NLGN1: variants seen among roughly 807,000 people sequenced by gnomAD.
The protein encoded by NLGN1 is neuroligin-1.
A neutral mutation model predicts 65.5 loss-of-function variants in NLGN1; 12 were observed. The observed-to-expected ratio is 0.18, with a 90% CI of 0.12 to 0.30. NLGN1 has a LOEUF of 0.30. Ranked by LOEUF, NLGN1 falls within the 10% of genes least tolerant of loss-of-function variation. The pLI is 1.00. For synonymous variants in NLGN1, 350 were observed against 359.5 expected, an observed-to-expected ratio of 0.97 and a Z score of 0.30; for missense variants, 750 against 1,007.1, an observed-to-expected ratio of 0.74 and a Z score of 3.46.
chr3:173,626,364 C>T (rs1754824820), intron 3 of NLGN1, among the ~76,000 whole-genome samples: 2 of 151,804 alleles, frequency 1.3e-5, no homozygotes, highest in South Asian at 4.1e-4. Context: ...TTTGAATTTA[C>T]AAGATAGTGG....
chr3:174,165,422 T>C (rs1727316400), intron 4 of NLGN1, among the ~76,000 whole-genome samples: 1 of 152,112 alleles, frequency 6.6e-6, no homozygotes, highest in South Asian at 2.1e-4. Context: ...TTTTGGATTT[T>C]ATCTAAAGCT....
At chr3:173,409,210 A>G (rs1325051517) in intron 1 of NLGN1, among the ~76,000 whole-genome samples, 3 of 152,156 alleles carry the variant, frequency 2.0e-5, no homozygotes, top group Non-Finnish European at 2.9e-5. Flanking sequence ...TAACATTGCA[A>G]TATCTTTTAT....
At chr3:174,277,903 G>T (rs1373724074) in intron 5 of NLGN1, among the ~76,000 whole-genome samples, 2 of 151,726 alleles carry the variant, frequency 1.3e-5, no homozygotes, top group Non-Finnish European at 2.9e-5. Context: ...TTTGGAAATT[G>T]ATAAAATTGA....
chr3:173,828,566 C>T (rs949068714), intron 4 of NLGN1, among the ~76,000 whole-genome samples: 5 of 151,796 alleles, frequency 3.3e-5, no homozygotes, highest in African/African-American at 7.3e-5. Context: ...TCCAGTGAGA[C>T]GATGCAGGTA....
chr3:174,141,401 G>GA (rs143968825), intron 4 of NLGN1, among the ~76,000 whole-genome samples: 10,285 of 151,830 alleles, frequency 0.068, 488 homozygotes, highest in African/African-American at 0.13. Context: ...ATGTGAAGAA[G>GA]AAAAAAAATC....
At chr3:173,691,736 A>G (rs754566234) in intron 3 of NLGN1, among the ~76,000 whole-genome samples, 1 of 152,124 alleles carries the variant, frequency 6.6e-6, no homozygotes, top group Admixed American at 6.6e-5. Context: ...TGGATTCTAT[A>G]TGATACTGAC....
chr3:174,129,648 G>T (rs1719755444), intron 4 of NLGN1, among the ~76,000 whole-genome samples: 1 of 152,210 alleles, frequency 6.6e-6, no homozygotes, highest in South Asian at 2.1e-4. Flanking sequence ...GGATACCCCA[G>T]CCAGTGAAAC....
chr3:174,064,355 A>G (rs564985316), intron 4 of NLGN1, among the ~76,000 whole-genome samples: 1 of 152,154 alleles, frequency 6.6e-6, no homozygotes, highest in African/African-American at 2.4e-5. Context: ...AAAAAGGAAA[A>G]GGAAAATAAT....
chr3:173,596,062 G>T (rs78249434), intron 2 of NLGN1, among the ~76,000 whole-genome samples: 1,912 of 152,256 alleles, frequency 0.013, 36 homozygotes, highest in African/African-American at 0.044. Context: ...CAGGTATAAC[G>T]TCTACCATGT....
chr3:173,698,450 T>C (rs1033316797), intron 3 of NLGN1, among the ~76,000 whole-genome samples: 1 of 152,150 alleles, frequency 6.6e-6, no homozygotes, highest in African/African-American at 2.4e-5. Flanking sequence ...TCTGATGCAT[T>C]TATGCGCCTT....
chr3:173,671,941 G>T lies in NLGN1; in HGVS notation c.493+66850G>T, dbSNP rs140956573. Among the ~76,000 whole-genome samples the T allele has an allele frequency of 9.5e-3, 1,450 of 152,220 alleles. 87 individuals carry two copies. The East Asian group carries it at 0.14, about 15-fold the overall frequency. The stretch of plus-strand genomic sequence containing the variant: ...TCTAATCCCAGCACTTTGGGAGGCC[G>T]AGGTGGGTGGATCACGAGGTCAGGA... On this transcript the variant is annotated intron_variant, in intron 3 of 6. Coordinates refer to ENST00000457714, the Ensembl canonical transcript of NLGN1.
Position 174,073,656 on chromosome 3 carries a change from G to A in NLGN1, c.647-201659G>A, listed in dbSNP as rs17260622. Among the ~76,000 whole-genome samples the A allele has an allele frequency of 8.6e-3, 1,304 of 152,242 alleles. 4 individuals are homozygous for A. The highest frequency in any genetic ancestry group is 0.012 in the Non-Finnish European group (807 of 68,018). ...TTAATTTACTTCTTCCCATTTGGTT[G>A]AAAGTATCACAGTTCTAAATTCGTG... On this transcript the variant is annotated intron_variant, in intron 4 of 6. Coordinates refer to ENST00000457714, the Ensembl canonical transcript of NLGN1.
intron 4 of NLGN1, among the ~76,000 whole-genome samples, chr3:173,975,799 C>T (rs1284460749): frequency 6.6e-6 from 1 of 151,896 alleles, no homozygotes; most frequent in African/African-American, 2.4e-5. Context: ...TTTTTGGTGG[C>T]ATTTTTATGT....
chr3:174,173,632 A>C (rs1486360428), intron 4 of NLGN1, among the ~76,000 whole-genome samples: 6 of 151,846 alleles, frequency 4.0e-5, no homozygotes, highest in Non-Finnish European at 8.8e-5. Flanking sequence ...ATTGATTTAC[A>C]TATGTTGAAC....
chr3:174,284,867 A>G (rs2152899155), exon 7 of NLGN1: 1 of 151,560 alleles, frequency 6.6e-6, no homozygotes, highest in East Asian at 1.9e-4. Context: ...ATAAAAGTTG[A>G]CCAAAGTGAT....
At chr3:173,903,248 G>A (rs1251019846) in intron 4 of NLGN1, among the ~76,000 whole-genome samples, 1 of 152,052 alleles carries the variant, frequency 6.6e-6, no homozygotes, top group Non-Finnish European at 1.5e-5. Context: ...CTGGTGATTG[G>A]ATCTAAGGAA....
At chr3:173,816,898 G>A (rs894390114) in intron 4 of NLGN1, among the ~76,000 whole-genome samples, 8 of 152,194 alleles carry the variant, frequency 5.3e-5, no homozygotes, top group Admixed American at 2.0e-4. Flanking sequence ...CCATCACTTC[G>A]TGCCATCTCC....
At chr3:174,265,938 ATGTATATATGTGTATG>A (rs1344272943) in intron 4 of NLGN1, among the ~76,000 whole-genome samples, 48 of 147,438 alleles carry the variant, frequency 3.3e-4, no homozygotes, top group African/African-American at 1.1e-3. Context: ...ATGTGTATAT[ATGTATATATGTGTATG>A]TGTATATATG....
At chr3:173,628,650 A>T (rs896521025) in intron 3 of NLGN1, among the ~76,000 whole-genome samples, 6 of 151,768 alleles carry the variant, frequency 4.0e-5, no homozygotes, top group African/African-American at 1.5e-4. Flanking sequence ...TAGCTTTAAA[A>T]TTTTGCCCTA....
Sources: gnomAD v4.1 joint callset for allele counts (sites outside exome capture counted in the v4.1 genomes callset) on GRCh38, gnomAD v4.1.1 for gene constraint, MANE v1.5 for transcripts, NCBI Gene and HGNC (gene_info 2026-07-23, HGNC 2026-07-21) for gene names.